Variants in ZBTB10 observed in about 807,000 individuals in gnomAD.
ZBTB10 encodes the protein zinc finger and BTB domain-containing protein 10.
A neutral mutation model predicts 76.4 loss-of-function variants in ZBTB10; 32 were observed. That is an observed-to-expected ratio of 0.42 (90% CI 0.32 to 0.56). ZBTB10 has a LOEUF of 0.56. Ranked by LOEUF, ZBTB10 falls within the 20% of genes least tolerant of loss-of-function variation. The pLI is 0.14. For missense variants in ZBTB10, 1,057 were observed against 1,098.5 expected, an observed-to-expected ratio of 0.96 and a Z score of 0.53; for synonymous variants, 523 against 432.9, an observed-to-expected ratio of 1.21 and a Z score of -2.58.
chr8:80,505,874 A>T (rs1816037915), intron 2 of ZBTB10, among the ~76,000 whole-genome samples: 1 of 150,680 alleles, frequency 6.6e-6, no homozygotes, highest in Non-Finnish European at 1.5e-5. Context: ...CACACAGAGT[A>T]CTTGGAACTA....
At chr8:80,507,238 G>A (rs916287026) in intron 2 of ZBTB10, among the ~76,000 whole-genome samples, 3 of 151,514 alleles carry the variant, frequency 2.0e-5, no homozygotes, top group Admixed American at 1.3e-4. Flanking sequence ...AACCCGGGAG[G>A]CAGAGGTTGC....
Position 80,487,573 on chromosome 8 carries a change from C to T in ZBTB10, c.763C>T (p.Leu255Phe), listed in dbSNP as rs776999243. The change falls in exon 1 of 6, where the codon CTC becomes TTC. Residue 255 changes from leucine to phenylalanine, a missense_variant. By Grantham distance (22) the Leu-to-Phe change is conservative. Transcript: ENST00000455036. Reference sequence around the variant, plus strand: ...CCAATGCTCCTTCCAGACCTCCTGGCTCAAGGACTTTCCCTGGCTGCGCTA... The same window carrying T: ...CCAATGCTCCTTCCAGACCTCCTGGTTCAAGGACTTTCCCTGGCTGCGCTA... ...KLQCSFQTSW[L>F]KDFPWLRYSK... The T allele has an allele frequency of 1.9e-6, 3 of 1,612,038 alleles. No homozygotes were observed. The highest frequency in any genetic ancestry group is 2.5e-6 in the Non-Finnish European group (3 of 1,178,970).
chr8:80,487,658 G>A lies in ZBTB10; in HGVS notation c.848G>A (p.Gly283Glu). The change falls in exon 1 of 6, where the codon GGA becomes GAA. Residue 283 changes from glycine (G) to glutamate (E), a missense_variant. Gly to Glu is a moderately conservative substitution (Grantham distance 98). This residue lies in a region of ZBTB10 where 556 missense variants were observed against 451.7 expected (regional missense o/e 1.23). Transcript: ENST00000455036. ...GWCQKTPADGGSVDLPPVGHD... is the reference protein window; with the variant it reads ...GWCQKTPADGESVDLPPVGHD... ...TGCCAAAAGACCCCTGCAGATGGGG[G>A]AAGCGTGGACCTTCCCCCAGTGGGG... 6.2e-7 allele frequency: 1 copy of A among 1,613,988 alleles called. No homozygotes were observed. Among genetic ancestry groups the A allele is most frequent in the Non-Finnish European group, 8.5e-7 (1 of 1,179,900 alleles).
intron 4 of ZBTB10, 97 bp downstream of exon 4, chr8:80,518,676 G>A (rs1816389120): frequency 1.4e-6 from 2 of 1,481,070 alleles, no homozygotes; most frequent in Non-Finnish European, 1.8e-6. Context: ...CCAAGTAGCA[G>A]TAGCTCCACA....
At position 80,502,523 on chromosome 8, in the gene ZBTB10, C is replaced by T. The variant is rs566084181; in HGVS notation, c.1861+2141C>T. On this transcript the variant is annotated intron_variant, in intron 2 of 5. Coordinates refer to ENST00000455036, the MANE Select transcript of ZBTB10 (RefSeq NM_001105539.3). ...TGTTGGGATTACATGGGTGAGCCAC[C>T]GTGCCCAGCCGTCTCTTAAAAAGGA... 5.9e-5 allele frequency among the ~76,000 whole-genome samples: 9 copies of T among 152,186 alleles called. No homozygotes were observed. The South Asian group carries it at 6.2e-4, about 11-fold the overall frequency.
intron 5 of ZBTB10, 85 bp downstream of exon 5, chr8:80,519,039 G>T: frequency 6.9e-7 from 1 of 1,452,446 alleles, no homozygotes. Context: ...AGTTAATTGT[G>T]AATTTAAGGA....
intron 4 of ZBTB10, 36 bp from the exon 5 acceptor site, chr8:80,518,746 T>G: frequency 6.4e-7 from 1 of 1,561,618 alleles, no homozygotes; most frequent in South Asian, 1.2e-5. Flanking sequence ...CTGTTTAATG[T>G]GTAATAAGCA....
intron 1 of ZBTB10, among the ~76,000 whole-genome samples, chr8:80,492,007 A>G (rs1751694840): frequency 6.6e-6 from 1 of 152,156 alleles, no homozygotes. Context: ...AGGCAGATCT[A>G]TCAGCCTAAT....
intron 3 of ZBTB10, among the ~76,000 whole-genome samples, chr8:80,514,573 A>G (rs1029409290): frequency 6.6e-6 from 1 of 152,244 alleles, no homozygotes; most frequent in African/African-American, 2.4e-5. Flanking sequence ...AAATAATTCA[A>G]AGTCATCAGT....
intron 2 of ZBTB10, among the ~76,000 whole-genome samples, chr8:80,511,614 AG>A (rs1313651521): frequency 3.3e-5 from 5 of 152,226 alleles, no homozygotes; most frequent in African/African-American, 1.2e-4. Context: ...CAGCCTCCTC[AG>A]TGGCTAGGAC....
At chr8:80,517,668 A>G (rs1452257977) in intron 3 of ZBTB10, among the ~76,000 whole-genome samples, 1 of 152,048 alleles carries the variant, frequency 6.6e-6, no homozygotes, top group Non-Finnish European at 1.5e-5. Flanking sequence ...TCTTAAAATT[A>G]TGTGCCTGTC....
intron 2 of ZBTB10, among the ~76,000 whole-genome samples, chr8:80,504,557 T>C (rs931832945): frequency 6.6e-6 from 1 of 152,234 alleles, no homozygotes; most frequent in Admixed American, 6.5e-5. Context: ...CAGAGTCATA[T>C]TTGTTGTTTG....
Position 80,496,282 on chromosome 8 carries a change from A to G in ZBTB10, c.973-3212A>G, listed in dbSNP as rs534098652. ...GTGCTTATTTAGCTCTTTAACCCAA[A>G]TCCTCTAATAATGATCTCCTTAGAG... On this transcript the variant is annotated intron_variant, in intron 1 of 5. Coordinates refer to ENST00000455036, the MANE Select transcript of ZBTB10 (RefSeq NM_001105539.3). 2.9e-4 allele frequency among the ~76,000 whole-genome samples: 44 copies of G among 151,712 alleles called. No homozygotes were observed. The South Asian group carries it at 8.5e-3, about 29-fold the overall frequency.
chr8:80,493,681 C>A lies in ZBTB10; in HGVS notation c.973-5813C>A, dbSNP rs545563116. Reference sequence around the variant, plus strand: ...TAAAAACAAAACAAAAAAAAAAAACCGAGCCGGGCGTGGTGGCGCATGCCT... The same window carrying A: ...TAAAAACAAAACAAAAAAAAAAAACAGAGCCGGGCGTGGTGGCGCATGCCT... On this transcript the variant is annotated intron_variant, in intron 1 of 5. Transcript: ENST00000455036. Among the ~76,000 whole-genome samples the A allele has an allele frequency of 7.2e-4, 95 of 132,520 alleles. 1 individual carries two copies. The Middle Eastern group carries it at 0.037, about 51-fold the overall frequency. The allele number at this position is 132,520 out of a possible 152,430, so 86.9% of individuals were successfully genotyped here. A position where few individuals can be genotyped will look rare whatever the true frequency, so the allele number is the denominator to read the frequency against.
chr8:80,512,590 T>C (rs1816222660), intron 2 of ZBTB10, among the ~76,000 whole-genome samples: 1 of 152,062 alleles, frequency 6.6e-6, no homozygotes, highest in Admixed American at 6.5e-5. Context: ...TGTGCACCTG[T>C]AGTCCCAGCT....
intron 2 of ZBTB10, among the ~76,000 whole-genome samples, chr8:80,512,298 G>C (rs1816214230): frequency 1.3e-5 from 2 of 152,248 alleles, no homozygotes; most frequent in South Asian, 4.1e-4. Context: ...TAAGTACCCA[G>C]ACCCGTGCTC....
Position 80,513,924 on chromosome 8 carries a change from C to T in ZBTB10, c.1876C>T (p.Leu626=). ...IKEEPDLDGA[L]LSGPDGDRNV... ...TTCCTTTTCAGATTTAGATGGTGCT[C>T]TACTCTCGGGGCCAGATGGTGATAG... Residue 626 remains leucine, a synonymous_variant, in exon 3 of 6, where the codon CTA becomes TTA. Transcript: ENST00000455036. 6.2e-7 allele frequency: 1 copy of T among 1,613,300 alleles called. No individual in the cohort carries two copies. The highest frequency in any genetic ancestry group is 1.1e-5 in the South Asian group (1 of 90,984).
Position 80,500,066 on chromosome 8 carries a change from G to A in ZBTB10, c.1545G>A (p.Lys515=), listed in dbSNP as rs772029520. The A allele has an allele frequency of 1.9e-6, 3 of 1,613,960 alleles. No homozygotes were observed. Among genetic ancestry groups the A allele is most frequent in the Non-Finnish European group, 2.5e-6 (3 of 1,179,874 alleles). Residue 515 remains lysine, a synonymous_variant, in exon 2 of 6, where the codon AAG becomes AAA. Coordinates refer to ENST00000455036, the MANE Select transcript of ZBTB10 (RefSeq NM_001105539.3). ...TTACCAATTTGGCAAGTAATGTAAA[G>A]ATTGAAAATGATGGTTGTAATGTCG... ...RNLTNLASNV[K]IENDGCNVDE...
chr8:80,486,977 A>T lies in ZBTB10; in HGVS notation c.167A>T (p.Gln56Leu), dbSNP rs1384517701. 2.6e-6 allele frequency: 4 copies of T among 1,513,088 alleles called. No homozygotes were observed. The highest frequency in any genetic ancestry group is 3.5e-6 in the Non-Finnish European group (4 of 1,135,570). 93.7% of individuals were successfully genotyped at this position (1,513,088 alleles called of 1,614,324 possible). The change falls in exon 1 of 6, where the codon CAG becomes CTG. Residue 56 changes from glutamine to leucine, a missense_variant. Physicochemically the swap from Gln to Leu is moderately radical, Grantham distance 113. Coordinates refer to ENST00000455036, the MANE Select transcript of ZBTB10 (RefSeq NM_001105539.3). Reference sequence around the variant, plus strand: ...CCGCCGCCAGCGCCGCCCGCGCTTCAGCCGCCTAATGGGCGGGGGGCCGAC... The same window carrying T: ...CCGCCGCCAGCGCCGCCCGCGCTTCTGCCGCCTAATGGGCGGGGGGCCGAC... ...QPPPPAPPAL[Q>L]PPNGRGADEE...
Sources: gnomAD v4.1 joint callset for allele counts (sites outside exome capture counted in the v4.1 genomes callset) on GRCh38, gnomAD v4.1.1 for gene constraint, gnomAD v4.1.1 regional missense constraint, MANE v1.5 for transcripts, NCBI Gene and HGNC (gene_info 2026-07-23, HGNC 2026-07-21) for gene names.